The following NPEPPS variants were observed in gnomAD, a reference collection of about 807,000 sequenced individuals.
NPEPPS encodes the protein puromycin-sensitive aminopeptidase.
In NPEPPS, 14 loss-of-function variants were observed where a neutral mutation model predicts 115.5. The observed-to-expected ratio is 0.12, with a 90% CI of 0.08 to 0.19. The LOEUF is 0.19. Among genes scored for constraint, NPEPPS ranks in the 10% least tolerant of loss-of-function variants. NPEPPS has a pLI of 1.00. For missense variants in NPEPPS, 523 were observed against 1,110.8 expected, an observed-to-expected ratio of 0.47 and a Z score of 7.52; for synonymous variants, 285 against 390.6, an observed-to-expected ratio of 0.73 and a Z score of 3.19.
At chr17:47,612,709 G>T (rs940328302) in intron 18 of NPEPPS, 107 bp downstream of exon 18, 8 of 1,107,934 alleles carry the variant, frequency 7.2e-6, no homozygotes, top group Non-Finnish European at 1.0e-5. Flanking sequence ...TGTCGCCCAG[G>T]CTGGAGTGCA....
At position 47,622,167 on chromosome 17, in the gene NPEPPS, G is replaced by T; in HGVS notation, c.*247G>T. 1 of 1,022,412 alleles carries T rather than the reference G, an allele frequency of 9.8e-7. No individual in the cohort carries two copies. The highest frequency in any genetic ancestry group is 1.2e-6 in the Non-Finnish European group (1 of 815,348). The allele number at this position is 1,022,412 out of a possible 1,614,324, so 63.3% of individuals were successfully genotyped here. On this transcript the variant is annotated 3_prime_UTR_variant, in exon 23 of 23. Transcript: ENST00000322157. The stretch of plus-strand genomic sequence containing the variant: ...GTAAATATGATAGTAATAAAATAGA[G>T]CATAACGAAACTGTGAAACTTTCTG...
At chr17:47,541,788 A>G (rs985031307) in intron 1 of NPEPPS, among the ~76,000 whole-genome samples, 3 of 152,208 alleles carry the variant, frequency 2.0e-5, no homozygotes, top group African/African-American at 7.2e-5. Flanking sequence ...AGTGCTATTT[A>G]GGTATGTTTT....
chr17:47,568,467 G>A (rs868131657), intron 2 of NPEPPS, among the ~76,000 whole-genome samples: 9 of 152,098 alleles, frequency 5.9e-5, no homozygotes, highest in Non-Finnish European at 1.2e-4. Flanking sequence ...CACCGTGTCC[G>A]GCCTGATTGG....
In NPEPPS at chr17:47,579,524, CT is replaced by C. The variant is rs1434100345; in HGVS notation, c.540+15del. ...AACACAGTTTGAGGTATGGGTTATT[CT>C]TCTCTAAAATATTATTATTCTTAAA... On this transcript the variant is annotated intron_variant, in intron 4 of 22. Coordinates refer to ENST00000322157, the MANE Select transcript of NPEPPS (RefSeq NM_006310.4). 1.9e-6 allele frequency: 3 copies of C among 1,551,946 alleles called. No individual in the cohort carries two copies. The African/African-American group carries it at 4.1e-5, about 21-fold the overall frequency.
At chr17:47,555,981 C>CTTTTTTTTTTTT (rs886460288) in intron 2 of NPEPPS, among the ~76,000 whole-genome samples, 11 of 63,024 alleles carry the variant, frequency 1.7e-4, no homozygotes, top group East Asian at 4.8e-4. Context: ...TTCTGTTTTA[C>CTTTTTTTTTTTT]TTTTTTTTTT....
intron 2 of NPEPPS, among the ~76,000 whole-genome samples, chr17:47,560,706 A>G (rs1487277511): frequency 6.6e-6 from 1 of 152,194 alleles, no homozygotes; most frequent in African/African-American, 2.4e-5. Context: ...AGTATGTTCC[A>G]AGTAGCAGGT....
intron 2 of NPEPPS, among the ~76,000 whole-genome samples, chr17:47,548,938 C>T (rs527629691): frequency 2.1e-4 from 32 of 152,092 alleles, no homozygotes; most frequent in Admixed American, 5.2e-4. Context: ...CTGTATCTCA[C>T]GGAAGCCCAG....
At chr17:47,572,020 T>C (rs778468913) in intron 3 of NPEPPS, among the ~76,000 whole-genome samples, 4 of 138,776 alleles carry the variant, frequency 2.9e-5, no homozygotes, top group Non-Finnish European at 4.8e-5. Flanking sequence ...CAACTGTCTT[T>C]CCAGGACTAG....
At chr17:47,558,721 CG>C (rs1228943389) in intron 2 of NPEPPS, among the ~76,000 whole-genome samples, 2 of 152,184 alleles carry the variant, frequency 1.3e-5, no homozygotes, top group African/African-American at 4.8e-5. Context: ...CCACCATGCC[CG>C]GCCTCTTTTT....
intron 13 of NPEPPS, among the ~76,000 whole-genome samples, chr17:47,598,480 A>C (rs1300542621): frequency 1.3e-5 from 2 of 152,114 alleles, no homozygotes; most frequent in African/African-American, 2.4e-5. Flanking sequence ...TGTATTAAAA[A>C]ACAAACAATT....
intron 3 of NPEPPS, among the ~76,000 whole-genome samples, chr17:47,571,444 C>T (rs1052062728): frequency 3.3e-5 from 5 of 152,138 alleles, no homozygotes; most frequent in African/African-American, 7.2e-5. Context: ...ATGGGCTGGG[C>T]GTGGTGGCTC....
intron 9 of NPEPPS, among the ~76,000 whole-genome samples, chr17:47,590,409 A>G (rs1006559775): frequency 6.6e-6 from 1 of 151,762 alleles, no homozygotes; most frequent in Non-Finnish European, 1.5e-5. Context: ...CTGTAATCCC[A>G]GCTACTGGTG....
At chr17:47,550,198 G>GCC (rs1231813017) in intron 2 of NPEPPS, among the ~76,000 whole-genome samples, 1 of 152,032 alleles carries the variant, frequency 6.6e-6, no homozygotes, top group African/African-American at 2.4e-5. Flanking sequence ...CTCCCGAAGT[G>GCC]CTGGGATTAA....
intron 17 of NPEPPS, among the ~76,000 whole-genome samples, chr17:47,608,453 CAAAAAAAAA>C (rs36062497): frequency 7.3e-4 from 58 of 79,166 alleles, no homozygotes; most frequent in African/African-American, 3.0e-3. Context: ...GACTCCGTCT[CAAAAAAAAA>C]AAAAAAAAAA....
At chr17:47,584,027 C>G (rs1412149036) in intron 5 of NPEPPS, among the ~76,000 whole-genome samples, 1 of 151,710 alleles carries the variant, frequency 6.6e-6, no homozygotes, top group Non-Finnish European at 1.5e-5. Flanking sequence ...TCGAGACCAG[C>G]CTGGCCAACA....
intron 3 of NPEPPS, among the ~76,000 whole-genome samples, chr17:47,575,894 C>G (rs540813489): frequency 3.9e-5 from 6 of 152,000 alleles, no homozygotes; most frequent in Admixed American, 3.9e-4. Flanking sequence ...AGGTGTGAGC[C>G]ACCACGCCCC....
chr17:47,619,881 C>A, intron 22 of NPEPPS, 97 bp downstream of exon 22: 1 of 994,136 alleles, frequency 1.0e-6, no homozygotes, highest in Admixed American at 1.8e-5. Context: ...ACTGTAGCAT[C>A]TCTGTGTTTT....
rs1910132450 is a variant in NPEPPS at position 47,557,526 on chromosome 17, AAAAC to A, written c.340+11539_340+11542del. 6 of 149,542 alleles carry A rather than the reference AAAAC, an allele frequency of 4.0e-5. 2 individuals carry two copies. The highest frequency in any genetic ancestry group is 4.3e-4 in the South Asian group (2 of 4,600). 9.3% of individuals were successfully genotyped at this position (149,542 alleles called of 1,614,324 possible). A position where few individuals can be genotyped will look rare whatever the true frequency, so the allele number is the denominator to read the frequency against. ...TTGACTACCCTTAAAAAAAAAACAA[AAAAC>A]AAACAGAAGTCTTGAGATGGATGTT... On this transcript the variant is annotated intron_variant, in intron 2 of 22. Transcript: ENST00000322157.
intron 1 of NPEPPS, among the ~76,000 whole-genome samples, chr17:47,539,578 G>T (rs541565172): frequency 6.6e-6 from 1 of 151,922 alleles, no homozygotes; most frequent in Non-Finnish European, 1.5e-5. Context: ...TTTCCATCTC[G>T]TCCCACCCTG....
Sources: allele counts gnomAD v4.1 joint callset (sites outside exome capture counted in the v4.1 genomes callset), GRCh38; gene constraint gnomAD v4.1.1; transcripts MANE v1.5; gene names NCBI Gene and HGNC (gene_info 2026-07-23, HGNC 2026-07-21).